ARHGEF17: variants seen among roughly 807,000 people sequenced by gnomAD.
ARHGEF17 encodes 164 kDa Rho-specific guanine-nucleotide exchange factor.
A neutral mutation model predicts 174.0 loss-of-function variants in ARHGEF17; 80 were observed. That is an observed-to-expected ratio of 0.46 (90% confidence interval 0.38 to 0.55). The LOEUF is 0.55. Ranked by LOEUF, ARHGEF17 falls within the 20% of genes least tolerant of loss-of-function variation. The probability of loss-of-function intolerance (pLI) is 0.00; values close to 1 mark genes in which losing one functional copy is unlikely to be tolerated. For synonymous variants in ARHGEF17, 1,311 were observed against 1,189.1 expected (o/e 1.10, Z -2.11); for missense variants, 2,886 against 2,839.7 (o/e 1.02, Z -0.37).
rs1865620770 is a variant in ARHGEF17, at chr11:73,355,415, T to C, written c.3454-118T>C. On this transcript the variant is annotated intron_variant, in intron 3 of 20. Coordinates refer to ENST00000263674, the MANE Select transcript of ARHGEF17 (RefSeq NM_014786.4). ...GGACATGTGCCTGATCCCTTAGAGA[T>C]TGTATCATTTCTAGTTGGAGGGAAA... 1.1e-5 allele frequency: 8 copies of C among 701,122 alleles called. 1 individual carries two copies. The highest frequency in any genetic ancestry group is 7.0e-5 in the South Asian group (4 of 57,518). 43.4% of individuals were successfully genotyped at this position (701,122 alleles called of 1,614,324 possible).
In ARHGEF17 at chr11:73,360,395, G is replaced by A. The variant is rs756558176; in HGVS notation, c.4282G>A (p.Ala1428Thr). ...DLSEKQALCY[A>T]LSFPPTKLEL... The stretch of plus-strand genomic sequence containing the variant: ...GTCGGAGAAGCAGGCGCTGTGCTAC[G>A]CGCTTTCCTTCCCGCCAACCAAGCT... Residue 1428 changes from alanine to threonine, a missense_variant, in exon 11 of 21, where the codon GCG becomes ACG. Physicochemically the swap from Ala to Thr is moderately conservative, Grantham distance 58. Around this residue, in one of 4 missense-constraint regions of ARHGEF17, gnomAD observed 476 missense variants for 473.1 expected, o/e 1.01. Coordinates refer to ENST00000263674, the MANE Select transcript of ARHGEF17 (RefSeq NM_014786.4). 130 of 1,613,802 alleles carry A rather than the reference G, an allele frequency of 8.1e-5. No homozygotes were observed. The highest frequency in any genetic ancestry group is 1.0e-4 in the Non-Finnish European group (123 of 1,180,050).
chr11:73,356,342 C>T lies in ARHGEF17; in HGVS notation c.3831C>T (p.Gly1277=). The T allele has an allele frequency of 6.2e-7, 1 of 1,610,484 alleles. No homozygotes were observed. The highest frequency in any genetic ancestry group is 8.5e-7 in the Non-Finnish European group (1 of 1,179,926). The part of the protein sequence containing the change: ...VLQEIEAHIE[G]MEDLQAPLRR... ...AGGAGATAGAGGCTCACATCGAGGG[C>T]ATGGAGGATGTGCGTGCGCCCTGCC... The change falls in exon 6 of 21, where the codon GGC becomes GGT. Residue 1277 remains glycine (G), a synonymous_variant. Coordinates refer to ENST00000263674, the MANE Select transcript of ARHGEF17 (RefSeq NM_014786.4).
chr11:73,321,312 AG>A (rs1865014097), intron 1 of ARHGEF17, among the ~76,000 whole-genome samples: 1 of 152,210 alleles, frequency 6.6e-6, no homozygotes, highest in South Asian at 2.1e-4. Flanking sequence ...TGACATGTCC[AG>A]GATAGCTCAG....
At chr11:73,349,899 G>A (rs944769501) in intron 2 of ARHGEF17, among the ~76,000 whole-genome samples, 4 of 152,166 alleles carry the variant, frequency 2.6e-5, no homozygotes, top group South Asian at 2.1e-4. Flanking sequence ...TGTGGGAGGA[G>A]GACTGAGGTC....
chr11:73,348,427 G>A lies in ARHGEF17; in HGVS notation c.3270+1467G>A, dbSNP rs186693056. Reference sequence around the variant, plus strand: ...ACACACAGAGAACCTACACACAACAGGGATACGCCTTAAAAGGAGGGAAAT... The same window carrying A: ...ACACACAGAGAACCTACACACAACAAGGATACGCCTTAAAAGGAGGGAAAT... On this transcript the variant is annotated intron_variant, in intron 2 of 20. Transcript: ENST00000263674. 2.0e-5 allele frequency among the ~76,000 whole-genome samples: 3 copies of A among 152,312 alleles called. No homozygotes were observed. In the East Asian group the frequency reaches 5.8e-4, roughly 29 times the overall value.
At position 73,310,232 on chromosome 11, in the gene ARHGEF17, C is replaced by T; in HGVS notation, c.1594C>T (p.Pro532Ser). ...AGCCCCAGCATCACCTGGCACGCGC[C>T]CCACACTCAAGGACTTGACAGCCAC... The part of the protein sequence containing the change: ...IPAPASPGTR[P>S]TLKDLTATLR... The change falls in exon 1 of 21, where the codon CCC becomes TCC. Residue 532 changes from proline (P) to serine (S), a missense_variant. By Grantham distance (74) the Pro-to-Ser change is moderately conservative (BLOSUM62 -1). Transcript: ENST00000263674. 3 of 1,614,032 alleles carry T rather than the reference C, an allele frequency of 1.9e-6. No homozygotes were observed. Among genetic ancestry groups the T allele is most frequent in the Non-Finnish European group, 2.5e-6 (3 of 1,180,032 alleles).
intron 9 of ARHGEF17, among the ~76,000 whole-genome samples, chr11:73,358,423 A>G (rs1200960946): frequency 1.4e-5 from 2 of 146,392 alleles, no homozygotes; most frequent in South Asian, 2.2e-4. Flanking sequence ...TTTCCCCCTC[A>G]TGACCAGGTC....
At chr11:73,356,562 C>A in intron 6 of ARHGEF17, 147 bp from the exon 7 acceptor site, 1 of 1,223,098 alleles carries the variant, frequency 8.2e-7, no homozygotes. Flanking sequence ...GTCCTGTGGC[C>A]TGGCAGCACA....
chr11:73,351,116 C>T (rs891940735), intron 2 of ARHGEF17, among the ~76,000 whole-genome samples: 2 of 152,218 alleles, frequency 1.3e-5, no homozygotes, highest in Admixed American at 1.3e-4. Flanking sequence ...GGCCCTGACC[C>T]AGCCCAGGAG....
At chr11:73,358,048 G>A (rs1865674694) in intron 9 of ARHGEF17, among the ~76,000 whole-genome samples, 1 of 151,966 alleles carries the variant, frequency 6.6e-6, no homozygotes, top group Non-Finnish European at 1.5e-5. Flanking sequence ...CAAGTCAATA[G>A]AATGACCACC....
At chr11:73,356,862 G>A (rs555665833) in intron 7 of ARHGEF17, 103 bp downstream of exon 7, 105 of 1,566,058 alleles carry the variant, frequency 6.7e-5, no homozygotes, top group Admixed American at 4.8e-4. Flanking sequence ...CTTTCACCCC[G>A]AGGGGAGCCC....
Position 73,309,177 on chromosome 11 carries a change from C to A in ARHGEF17, c.539C>A (p.Ala180Glu), listed in dbSNP as rs762358995. 6.3e-7 allele frequency: 1 copy of A among 1,589,958 alleles called. No homozygotes were observed. Among genetic ancestry groups the A allele is most frequent in the Non-Finnish European group, 8.6e-7 (1 of 1,168,386 alleles). Residue 180 changes from alanine (A) to glutamate (E), a missense_variant, in exon 1 of 21, where the codon GCG becomes GAG. This residue lies in a region of ARHGEF17 where 1,728 missense variants were observed against 1,461.2 expected (regional missense o/e 1.18). Transcript: ENST00000263674. ...CCCCCTCGGACATGCTTCCCCCTGG[C>A]GGGTCTGCGTTCGGCGCGGCCCCTG... is the stretch of plus-strand genomic sequence containing the variant. ...TPPPRTCFPLAGLRSARPLTG... is the reference protein window; with the variant it reads ...TPPPRTCFPLEGLRSARPLTG...
At chr11:73,362,334 G>C in intron 13 of ARHGEF17, 95 bp downstream of exon 13, 2 of 1,444,728 alleles carry the variant, frequency 1.4e-6, no homozygotes, top group East Asian at 2.5e-5. Flanking sequence ...GTGGTTGTGG[G>C]CGGGGCCCGG....
chr11:73,329,331 A>G (rs1322678908), intron 1 of ARHGEF17, among the ~76,000 whole-genome samples: 3 of 1,504 alleles, frequency 2.0e-3, no homozygotes, highest in African/African-American at 6.8e-3. Flanking sequence ...TCATATATAT[A>G]TATATATATA....
chr11:73,366,945 C>A (rs60436721), intron 20 of ARHGEF17, among the ~76,000 whole-genome samples: 9,243 of 152,106 alleles, frequency 0.061, 895 homozygotes, highest in African/African-American at 0.2. Context: ...GAGGCTGAAG[C>A]AGGAGAATCA....
chr11:73,368,749 C>A lies in ARHGEF17; in HGVS notation c.*969C>A. 1 of 152,630 alleles carries A rather than the reference C, an allele frequency of 6.6e-6. No individual in the cohort carries two copies. 9.5% of individuals were successfully genotyped at this position (152,630 alleles called of 1,614,324 possible). On this transcript the variant is annotated 3_prime_UTR_variant, in exon 21 of 21. Coordinates refer to ENST00000263674, the MANE Select transcript of ARHGEF17 (RefSeq NM_014786.4). ...GACCACTGAATCCGTCTCCACACCC[C>A]TTCTGCCAAGGGAAGCCCCTTCAGG...
intron 1 of ARHGEF17, among the ~76,000 whole-genome samples, chr11:73,342,629 T>G (rs1865388154): frequency 6.6e-6 from 1 of 152,000 alleles, no homozygotes; most frequent in Admixed American, 6.5e-5. Flanking sequence ...GTAGGTGTGT[T>G]CGTGCCCCTG....
Position 73,356,315 on chromosome 11 carries a change from G to T in ARHGEF17, c.3804G>T (p.Leu1268=). 1.2e-6 allele frequency: 2 copies of T among 1,612,736 alleles called. No individual in the cohort carries two copies. ...AGGCGGAGCGCCATGCCCGTGTGCT[G>T]CAGGAGATAGAGGCTCACATCGAGG... The part of the protein sequence containing the change: ...AEEAERHARV[L]QEIEAHIEGM... Residue 1268 remains leucine, a synonymous_variant, in exon 6 of 21, where the codon CTG becomes CTT. Transcript: ENST00000263674.
Position 73,360,371 on chromosome 11 carries a change from T to G in ARHGEF17, c.4258T>G (p.Ser1420Ala). 6.2e-7 allele frequency: 1 copy of G among 1,613,912 alleles called. No individual in the cohort carries two copies. Among genetic ancestry groups the G allele is most frequent in the South Asian group, 1.1e-5 (1 of 91,092 alleles). Reference sequence around the variant, plus strand: ...CTCAGCTGCCATGCACCGGGACCTGTCGGAGAAGCAGGCGCTGTGCTACGC... The same window carrying G: ...CTCAGCTGCCATGCACCGGGACCTGGCGGAGAAGCAGGCGCTGTGCTACGC... Reference protein sequence around the residue: ...DLSAAMHRDLSEKQALCYALS... With the variant: ...DLSAAMHRDLAEKQALCYALS... The change falls in exon 11 of 21, where the codon TCG becomes GCG. Residue 1420 changes from serine to alanine, a missense_variant. This residue lies in a region of ARHGEF17 where 476 missense variants were observed against 473.1 expected (regional missense o/e 1.01). Transcript: ENST00000263674.
Sources: gnomAD v4.1 joint callset for allele counts (sites outside exome capture counted in the v4.1 genomes callset) on GRCh38, gnomAD v4.1.1 for gene constraint, gnomAD v4.1.1 regional missense constraint, MANE v1.5 for transcripts, NCBI Gene and HGNC (gene_info 2026-07-23, HGNC 2026-07-21) for gene names.